PTPRO: variants seen among roughly 807,000 people sequenced by gnomAD.
PTPRO encodes the protein receptor-type tyrosine-protein phosphatase O.
In PTPRO, 62 loss-of-function variants were observed where a neutral mutation model predicts 145.2. The ratio of observed to expected loss-of-function variants is 0.43; its 90% CI spans 0.35 to 0.53. PTPRO has a LOEUF of 0.53. PTPRO is among the 20% of genes least tolerant of loss of function. The pLI is 0.01. For missense variants in PTPRO, 1,345 were observed against 1,482.7 expected (o/e 0.91, Z 1.53); for synonymous variants, 565 against 514.7 (o/e 1.10, Z -1.32).
chr12:15,389,138 C>G (rs1311721946), intron 1 of PTPRO, among the ~76,000 whole-genome samples: 1 of 147,694 alleles, frequency 6.8e-6, no homozygotes, highest in African/African-American at 2.5e-5. Context: ...GAGTCTCACT[C>G]TGTCACCCAG....
intron 1 of PTPRO, among the ~76,000 whole-genome samples, chr12:15,329,942 A>G (rs944356607): frequency 3.9e-5 from 6 of 152,234 alleles, no homozygotes; most frequent in Non-Finnish European, 8.8e-5. Flanking sequence ...AAACTGCACG[A>G]GCAAAGGCCC....
At chr12:15,368,470 T>C (rs1167305583) in intron 1 of PTPRO, among the ~76,000 whole-genome samples, 3 of 152,212 alleles carry the variant, frequency 2.0e-5, no homozygotes, top group African/African-American at 7.2e-5. Flanking sequence ...ATTGATTGAT[T>C]TTTATTGATT....
intron 1 of PTPRO, among the ~76,000 whole-genome samples, chr12:15,389,899 C>T (rs971491589): frequency 6.6e-6 from 1 of 152,120 alleles, no homozygotes; most frequent in African/African-American, 2.4e-5. Flanking sequence ...CCTTAAAAAA[C>T]TTTTTCAAGC....
chr12:15,459,728 T>C (rs760890204), intron 1 of PTPRO, among the ~76,000 whole-genome samples: 2 of 152,244 alleles, frequency 1.3e-5, no homozygotes, highest in African/African-American at 2.4e-5. Context: ...GAATGCCTTC[T>C]ATGTAACAGA....
In PTPRO at chr12:15,585,784, T is replaced by G. The variant is rs568342145; in HGVS notation, c.3256-1113T>G. Among the ~76,000 whole-genome samples, 169 of 152,238 alleles carry G rather than the reference T, an allele frequency of 1.1e-3. 1 individual carries two copies. Among genetic ancestry groups the G allele is most frequent in the African/African-American group, 4.0e-3 (167 of 41,528 alleles). ...AATCAGACCTTTATGAAGCCTGGGT[T>G]TGGGATATTTCTGATGGCTGATAAC... On this transcript the variant is annotated intron_variant, in intron 23 of 26. Coordinates refer to ENST00000281171, the MANE Select transcript of PTPRO (RefSeq NM_030667.3).
chr12:15,486,485 A>G (rs1941889524), intron 2 of PTPRO, among the ~76,000 whole-genome samples: 1 of 151,940 alleles, frequency 6.6e-6, no homozygotes, highest in African/African-American at 2.4e-5. Flanking sequence ...TTTTTTTCCA[A>G]TCTAAAAATC....
intron 1 of PTPRO, among the ~76,000 whole-genome samples, chr12:15,420,028 T>C (rs1397821940): frequency 6.6e-6 from 1 of 150,734 alleles, no homozygotes; most frequent in Non-Finnish European, 1.5e-5. Context: ...GCGCCCATAG[T>C]CCCAGCTACT....
chr12:15,404,611 G>A (rs1237196257), intron 1 of PTPRO, among the ~76,000 whole-genome samples: 1 of 152,112 alleles, frequency 6.6e-6, no homozygotes, highest in Non-Finnish European at 1.5e-5. Context: ...CATGAAGGCT[G>A]TTCAGTGTTT....
At chr12:15,587,736 A>T (rs1944460191) in intron 24 of PTPRO, among the ~76,000 whole-genome samples, 1 of 152,232 alleles carries the variant, frequency 6.6e-6, no homozygotes, top group Non-Finnish European at 1.5e-5. Flanking sequence ...TCTGTGATAC[A>T]ATATTGCTGT....
chr12:15,574,273 C>T (rs1276792070), intron 19 of PTPRO, among the ~76,000 whole-genome samples: 1 of 152,186 alleles, frequency 6.6e-6, no homozygotes, highest in Non-Finnish European at 1.5e-5. Context: ...TAAAAATATA[C>T]ACCGTTCCTT....
intron 23 of PTPRO, among the ~76,000 whole-genome samples, chr12:15,586,160 A>G (rs150470786): frequency 2.0e-5 from 3 of 152,244 alleles, no homozygotes; most frequent in African/African-American, 7.2e-5. Context: ...CAAGTCCTCT[A>G]GTATCAAAGC....
intron 1 of PTPRO, among the ~76,000 whole-genome samples, chr12:15,338,948 A>G (rs531512165): frequency 1.3e-5 from 2 of 152,300 alleles, no homozygotes; most frequent in Non-Finnish European, 2.9e-5. Context: ...AAACAAAGTT[A>G]TTTTGCTAAG....
intron 1 of PTPRO, among the ~76,000 whole-genome samples, chr12:15,464,849 T>C (rs1941383411): frequency 6.6e-6 from 1 of 152,292 alleles, no homozygotes; most frequent in East Asian, 1.9e-4. Context: ...AACATTTCTG[T>C]AAAGAATTCT....
chr12:15,581,462 A>AC (rs894364808), intron 22 of PTPRO, among the ~76,000 whole-genome samples: 2 of 151,748 alleles, frequency 1.3e-5, no homozygotes, highest in Non-Finnish European at 2.9e-5. Context: ...TTGTCCCCTG[A>AC]CCCCTCAACT....
intron 20 of PTPRO, 70 bp from the exon 21 acceptor site, chr12:15,579,969 A>C: frequency 8.2e-7 from 1 of 1,216,154 alleles, no homozygotes; most frequent in Non-Finnish European, 1.2e-6. Context: ...TTAATATTGG[A>C]TAGAAAGGGC....
At chr12:15,352,564 T>C (rs1937841661) in intron 1 of PTPRO, among the ~76,000 whole-genome samples, 2 of 146,362 alleles carry the variant, frequency 1.4e-5, no homozygotes, top group African/African-American at 5.1e-5. Flanking sequence ...GGCAGGAGAA[T>C]GGTGTGAACT....
chr12:15,322,758 C>T lies in PTPRO; in HGVS notation c.32C>T (p.Ala11Val), dbSNP rs752232017. ...CACCTGCCCACGGGGATACACGGCG[C>T]CCGCCGCCTCCTGCCTCTGCTCTGG... is the stretch of plus-strand genomic sequence containing the variant. MGHLPTGIHG[A>V]RRLLPLLWLF... The change falls in exon 1 of 27, where the codon GCC (alanine) becomes GTC (valine). Residue 11 changes from alanine to valine, a missense_variant. Coordinates refer to ENST00000281171, the MANE Select transcript of PTPRO (RefSeq NM_030667.3). The surrounding 1 kb of genome is among the most constrained non-coding windows in gnomAD (Gnocchi z 6.3). 6.2e-7 allele frequency: 1 copy of T among 1,612,366 alleles called. No individual in the cohort carries two copies. Among genetic ancestry groups the T allele is most frequent in the Non-Finnish European group, 8.5e-7 (1 of 1,179,430 alleles).
intron 1 of PTPRO, among the ~76,000 whole-genome samples, chr12:15,364,647 C>T (rs1938307006): frequency 6.6e-6 from 1 of 152,102 alleles, no homozygotes; most frequent in Non-Finnish European, 1.5e-5. Flanking sequence ...GGGAGTTAAA[C>T]TTGTTTGACA....
At chr12:15,549,250 A>C in intron 14 of PTPRO, 24 bp downstream of exon 14, 1 of 1,544,234 alleles carries the variant, frequency 6.5e-7, no homozygotes. Flanking sequence ...TTAGTGTATA[A>C]TTTTCTCACT....
Sources: gnomAD v4.1 joint callset for allele counts (sites outside exome capture counted in the v4.1 genomes callset) on GRCh38, gnomAD v4.1.1 for gene constraint, Gnocchi (gnomAD v3.1) non-coding constraint, MANE v1.5 for transcripts, NCBI Gene and HGNC (gene_info 2026-07-23, HGNC 2026-07-21) for gene names.